C3orf18: variants seen among roughly 807,000 people sequenced by gnomAD.
The protein encoded by C3orf18 is chromosome 3 open reading frame 18.
A neutral mutation model predicts 14.1 loss-of-function variants in C3orf18; 12 were observed. The ratio of observed to expected loss-of-function variants is 0.85; its 90% CI spans 0.55 to 1.38. The LOEUF is 1.38. Ranked by LOEUF, C3orf18 falls within the 40% of genes most tolerant of loss-of-function variation. C3orf18 has a pLI of 0.00. For missense variants in C3orf18, 196 were observed against 213.9 expected (o/e 0.92, Z 0.52); for synonymous variants, 82 against 87.9 (o/e 0.93, Z 0.38).
At chr3:50,572,292 G>GCCC, upstream of C3orf18, 1 of 1,514,088 alleles carries the variant, frequency 6.6e-7, no homozygotes, top group Non-Finnish European at 8.9e-7. Context: ...CCTCCAGGGG[G>GCCC]CACTGGGGCC....
upstream of C3orf18, chr3:50,569,941 A>G (rs1028188495): frequency 2.0e-5 from 3 of 152,140 alleles, no homozygotes. Context: ...ACTGGGTTCA[A>G]GCAGTTCTCC....
chr3:50,568,019 G>A (rs1700472179), upstream of C3orf18, among the ~76,000 whole-genome samples: 1 of 152,246 alleles, frequency 6.6e-6, no homozygotes, highest in African/African-American at 2.4e-5. Context: ...CCCAAAACGC[G>A]GATGGATGTA....
rs1234638847 is a variant in C3orf18 at position 50,559,516 on chromosome 3, G to A, written c.*141C>T. 2 of 1,432,880 alleles carry A rather than the reference G, an allele frequency of 1.4e-6. No homozygotes were observed. The highest frequency in any genetic ancestry group is 1.8e-6 in the Non-Finnish European group (2 of 1,090,340). 88.8% of individuals were successfully genotyped at this position (1,432,880 alleles called of 1,614,324 possible). A position where few individuals can be genotyped will look rare whatever the true frequency, so the allele number is the denominator to read the frequency against. ...AGTCTAAAGTCAGCAGGTGGGTCTG[G>A]AGAACAGCTAGGACCTGGCTCAGCC... On this transcript the variant is annotated 3_prime_UTR_variant, in exon 6 of 6. Coordinates refer to ENST00000357203, the MANE Select transcript of C3orf18 (RefSeq NM_016210.5).
rs576166526 is a variant in C3orf18 at position 50,561,613 on chromosome 3, C to A, written c.260+109G>T. 233 of 1,086,914 alleles carry A rather than the reference C, an allele frequency of 2.1e-4. No individual in the cohort carries two copies. In the Middle Eastern group the frequency reaches 3.3e-3, roughly 15 times the overall value. The allele number at this position is 1,086,914 out of a possible 1,614,324, so 67.3% of individuals were successfully genotyped here. A position where few individuals can be genotyped will look rare whatever the true frequency, so the allele number is the denominator to read the frequency against. On this transcript the variant is annotated intron_variant, in intron 4 of 5. Transcript: ENST00000357203. ...CACCCCCAACCATGAATGGGCAGGA[C>A]AGGCCTTGACTCCCTGATCAGCTTT... is the stretch of plus-strand genomic sequence containing the variant.
intron 3 of C3orf18, among the ~76,000 whole-genome samples, chr3:50,562,131 C>T (rs1452674660): frequency 6.6e-6 from 1 of 152,212 alleles, no homozygotes; most frequent in Non-Finnish European, 1.5e-5. Context: ...AACTCCTGAC[C>T]TTGTGATCCA....
intron 3 of C3orf18, among the ~76,000 whole-genome samples, chr3:50,563,426 C>A (rs769472745): frequency 6.6e-6 from 1 of 152,122 alleles, no homozygotes; most frequent in Non-Finnish European, 1.5e-5. Context: ...AGAACCTTTA[C>A]GCAATTTCCA....
chr3:50,560,874 A>G, intron 5 of C3orf18, 43 bp downstream of exon 5: 2 of 1,572,518 alleles, frequency 1.3e-6, no homozygotes, highest in Non-Finnish European at 1.7e-6. Flanking sequence ...GGTGGAGGAC[A>G]GAGGATGCTG....
upstream of C3orf18, among the ~76,000 whole-genome samples, chr3:50,574,040 T>C (rs1483345406): frequency 6.6e-6 from 1 of 152,192 alleles, no homozygotes; most frequent in Non-Finnish European, 1.5e-5. Context: ...TAGAGGGTAC[T>C]CATGGGCACT....
chr3:50,561,971 C>T, intron 3 of C3orf18: 1 of 608,946 alleles, frequency 1.6e-6, no homozygotes, highest in South Asian at 2.0e-5. Context: ...ACAATCTCGG[C>T]TCACTGCAAC....
chr3:50,570,922 C>T, upstream of C3orf18: 2 of 491,478 alleles, frequency 4.1e-6, no homozygotes, highest in South Asian at 6.6e-5. Flanking sequence ...TGGTTCCTCT[C>T]ACTCCCAGGG....
intron 3 of C3orf18, among the ~76,000 whole-genome samples, chr3:50,563,783 C>A (rs1265827742): frequency 6.6e-6 from 1 of 152,236 alleles, no homozygotes; most frequent in African/African-American, 2.4e-5. Context: ...GCAAGAGGGG[C>A]ATCCACCCAG....
upstream of C3orf18, chr3:50,571,720 T>C (rs572353388): frequency 6.2e-7 from 1 of 1,614,144 alleles, no homozygotes; most frequent in African/African-American, 1.3e-5. Flanking sequence ...TTTCAGAGCC[T>C]GAGGCCGGCA....
Position 50,565,643 on chromosome 3 carries a change from A to G in C3orf18, c.57T>C (p.Ser19=). 1 of 1,613,412 alleles carries G rather than the reference A, an allele frequency of 6.2e-7. No individual in the cohort carries two copies. The highest frequency in any genetic ancestry group is 8.5e-7 in the Non-Finnish European group (1 of 1,180,012). The change falls in exon 3 of 6, where the codon TCT becomes TCC. Residue 19 remains serine (S), a synonymous_variant. Transcript: ENST00000357203. The surrounding 1 kb of genome is among the most constrained non-coding windows in gnomAD (Gnocchi z 4.4). ...CTGTGGCAGGTTCCAGGTCAGACTC[A>G]GAGGTGGGTGGGCGGCTGCTGAACC... The part of the protein sequence containing the change: ...RGWFSSRPPT[S]ESDLEPATDG...
chr3:50,561,519 C>T (rs1559437102), intron 4 of C3orf18, among the ~76,000 whole-genome samples: 1 of 152,222 alleles, frequency 6.6e-6, no homozygotes, highest in Non-Finnish European at 1.5e-5. Flanking sequence ...AGAATCCTCA[C>T]ACCTGCCTGC....
chr3:50,559,388 G>C lies in C3orf18; in HGVS notation c.*269C>G, dbSNP rs1699832440. The C allele has an allele frequency of 3.0e-6, 4 of 1,354,748 alleles. No individual in the cohort carries two copies. The highest frequency in any genetic ancestry group is 3.8e-6 in the Non-Finnish European group (4 of 1,049,648). 83.9% of individuals were successfully genotyped at this position (1,354,748 alleles called of 1,614,324 possible). On this transcript the variant is annotated 3_prime_UTR_variant, in exon 6 of 6. Coordinates refer to ENST00000357203, the MANE Select transcript of C3orf18 (RefSeq NM_016210.5). Reference sequence around the variant, plus strand: ...GACAGGGGATGAGGAAGCCAGCAGAGGCTCTTGACCTTCTCAGCATGAGGG... The same window carrying C: ...GACAGGGGATGAGGAAGCCAGCAGACGCTCTTGACCTTCTCAGCATGAGGG...
Position 50,558,653 on chromosome 3 carries a change from C to T in C3orf18, c.*1004G>A. ...CTCAGACCAACAGCCTCTCCCAACCCCAGATCCTCATTAGAGCCCAAGACA... is the reference window on the plus strand; with the variant it reads ...CTCAGACCAACAGCCTCTCCCAACCTCAGATCCTCATTAGAGCCCAAGACA... On this transcript the variant is annotated 3_prime_UTR_variant, in exon 6 of 6. Coordinates refer to ENST00000357203, the MANE Select transcript of C3orf18 (RefSeq NM_016210.5). 1 of 1,265,420 alleles carries T rather than the reference C, an allele frequency of 7.9e-7. No individual in the cohort carries two copies. Among genetic ancestry groups the T allele is most frequent in the South Asian group, 1.3e-5 (1 of 76,726 alleles). The allele number at this position is 1,265,420 out of a possible 1,614,324, so 78.4% of individuals were successfully genotyped here.
In C3orf18 at chr3:50,559,731, G is replaced by A; in HGVS notation, c.415C>T (p.Leu139=). The change falls in exon 6 of 6, where the codon CTG becomes TTG. Residue 139 remains leucine (L), a synonymous_variant. Coordinates refer to ENST00000357203, the MANE Select transcript of C3orf18 (RefSeq NM_016210.5). ...SVQAMQGKTT[L]PSQGPLQRPS... ...CTCTGCAGTGGGCCCTGGGAGGGCA[G>A]AGTAGTCTGCAGGAAGACAGGCAGG... is the stretch of plus-strand genomic sequence containing the variant. The A allele has an allele frequency of 6.3e-7, 1 of 1,586,086 alleles. No homozygotes were observed. Among genetic ancestry groups the A allele is most frequent in the Non-Finnish European group, 8.6e-7 (1 of 1,165,474 alleles).
At position 50,561,009 on chromosome 3, in the gene C3orf18, C is replaced by T. The variant is rs1310008778; in HGVS notation, c.316G>A (p.Glu106Lys). 2 of 1,614,166 alleles carry T rather than the reference C, an allele frequency of 1.2e-6. No individual in the cohort carries two copies. The highest frequency in any genetic ancestry group is 1.7e-6 in the Non-Finnish European group (2 of 1,180,012). ...MPMYNFDPTE[E>K]QDELEQELLE... ...AGCTCCTGCTCCAACTCATCTTGTT[C>T]CTCCGTGGGGTCGAAGTTGTACATG... Residue 106 changes from glutamate to lysine, a missense_variant, in exon 5 of 6, where the codon GAA becomes AAA. Transcript: ENST00000357203.
chr3:50,560,590 G>A (rs1175265247), intron 5 of C3orf18, among the ~76,000 whole-genome samples: 1 of 152,188 alleles, frequency 6.6e-6, no homozygotes, highest in East Asian at 1.9e-4. Context: ...AGTACGTGGG[G>A]GCACATGGGG....
Sources: gnomAD v4.1 joint callset for allele counts (sites outside exome capture counted in the v4.1 genomes callset) on GRCh38, gnomAD v4.1.1 for gene constraint, Gnocchi (gnomAD v3.1) non-coding constraint, MANE v1.5 for transcripts, NCBI Gene and HGNC (gene_info 2026-07-23, HGNC 2026-07-21) for gene names.